The following FUT8 variants were observed in gnomAD, a reference collection of about 807,000 sequenced individuals.
The protein encoded by FUT8 is fucosyltransferase 8.
In FUT8, 29 loss-of-function variants were observed where a neutral mutation model predicts 71.3. The ratio of observed to expected loss-of-function variants is 0.41; its 90% confidence interval spans 0.30 to 0.55. The LOEUF is 0.55. FUT8 is among the 20% of genes least tolerant of loss of function. FUT8 has a pLI of 0.34. For missense variants in FUT8, 544 were observed against 702.1 expected (o/e 0.77, Z 2.55); for synonymous variants, 254 against 239.3 (o/e 1.06, Z -0.57).
chr14:65,485,776 C>G (rs1488798603), intron 2 of FUT8, among the ~76,000 whole-genome samples: 1 of 152,184 alleles, frequency 6.6e-6, no homozygotes, highest in Non-Finnish European at 1.5e-5. Context: ...TCTTCTGTTT[C>G]ATCAACTCAA....
intron 2 of FUT8, among the ~76,000 whole-genome samples, chr14:65,456,308 C>A (rs1422696541): frequency 6.6e-6 from 1 of 152,144 alleles, no homozygotes; most frequent in African/African-American, 2.4e-5. Flanking sequence ...TTGCCTTTTC[C>A]AATGTTATTT....
intron 2 of FUT8, among the ~76,000 whole-genome samples, chr14:65,554,877 G>T (rs1455453121): frequency 6.6e-6 from 1 of 152,064 alleles, no homozygotes; most frequent in African/African-American, 2.4e-5. Context: ...AGTTTTGATT[G>T]TCTGTATTTT....
intron 2 of FUT8, among the ~76,000 whole-genome samples, chr14:65,529,352 C>T (rs1883770536): frequency 6.6e-6 from 1 of 152,182 alleles, no homozygotes; most frequent in Non-Finnish European, 1.5e-5. Flanking sequence ...CTGCCTCACC[C>T]TCTGGAAGAG....
At position 65,638,758 on chromosome 14, in the gene FUT8, TG is replaced by T. The variant is rs1407260394; in HGVS notation, c.597+9153del. 1.3e-5 allele frequency among the ~76,000 whole-genome samples: 2 copies of T among 152,194 alleles called. No individual in the cohort carries two copies. The highest frequency in any genetic ancestry group is 2.9e-5 in the Non-Finnish European group (2 of 68,026). On this transcript the variant is annotated intron_variant, in intron 6 of 10. Transcript: ENST00000673929. This position sits in a 1 kb window ranked among gnomAD's most constrained non-coding sequence, Gnocchi z 4.5. Reference sequence around the variant, plus strand: ...AGAATATAACTATATACGTTATTTATGTGCTTGTATACTGACTCTGAGATCA... The same window carrying T: ...AGAATATAACTATATACGTTATTTATTGCTTGTATACTGACTCTGAGATCA...
intron 2 of FUT8, among the ~76,000 whole-genome samples, chr14:65,480,763 T>G (rs1009703485): frequency 6.6e-6 from 1 of 152,128 alleles, no homozygotes; most frequent in Admixed American, 6.5e-5. Flanking sequence ...CTCGGCTCAC[T>G]GCAACCACTG....
chr14:65,418,868 C>T (rs1040796581), intron 1 of FUT8, among the ~76,000 whole-genome samples: 1 of 151,896 alleles, frequency 6.6e-6, no homozygotes, highest in African/African-American at 2.4e-5. Flanking sequence ...ATATCATTTC[C>T]TTTTGAGGTG....
In FUT8 at chr14:65,744,026, G is replaced by A. The variant is rs1259952314; in HGVS notation, c.*1616G>A. The A allele has an allele frequency of 4.0e-5, 6 of 151,800 alleles. No homozygotes were observed. The highest frequency in any genetic ancestry group is 7.4e-5 in the Non-Finnish European group (5 of 67,870). The allele number at this position is 151,800 out of a possible 1,614,324, so 9.4% of individuals were successfully genotyped here. On this transcript the variant is annotated 3_prime_UTR_variant, in exon 11 of 11. Transcript: ENST00000673929. ...AACTTAACTAAATTCTTTTTCTCAA[G>A]TCAAGCCTCCCAAAGAAAAAAGAAA...
At position 65,721,798 on chromosome 14, in the gene FUT8, C is replaced by T; in HGVS notation, c.859C>T (p.Gln287Ter). Reference sequence around the variant, plus strand: ...AGGTGAAGTGAAGGACAAAAATGTTCAAGTGGTCGAGCTTCCCATTGTAGA... The same window carrying T: ...AGGTGAAGTGAAGGACAAAAATGTTTAAGTGGTCGAGCTTCCCATTGTAGA... ...WSGEVKDKNVQVVELPIVDSL... is the reference protein window; with the variant it reads ...WSGEVKDKNV Residue 287 changes from glutamine to a stop codon, truncating the protein, a stop_gained, in exon 8 of 11, where the codon CAA becomes TAA. Transcript: ENST00000673929. LOFTEE classifies it high-confidence loss of function. 6.2e-7 allele frequency: 1 copy of T among 1,614,080 alleles called. No individual in the cohort carries two copies. The highest frequency in any genetic ancestry group is 1.1e-5 in the South Asian group (1 of 91,062).
At chr14:65,522,526 G>A (rs1055255659) in intron 2 of FUT8, among the ~76,000 whole-genome samples, 6 of 152,028 alleles carry the variant, frequency 3.9e-5, no homozygotes, top group Non-Finnish European at 5.9e-5. Flanking sequence ...AAGAGTATTT[G>A]AGCATCAGGA....
rs1285956662 is a variant in FUT8, at chr14:65,472,558, T to C, written c.-228+16840T>C. Among the ~76,000 whole-genome samples the C allele has an allele frequency of 6.6e-6, 1 of 151,920 alleles. No individual in the cohort carries two copies. The highest frequency in any genetic ancestry group is 1.5e-5 in the Non-Finnish European group (1 of 67,970). On this transcript the variant is annotated intron_variant, in intron 2 of 10. Transcript: ENST00000673929. The surrounding 1 kb of genome is among the most constrained non-coding windows in gnomAD (Gnocchi z 4.4). ...CCAAAGGTTTATTTTTATATTCTTA[T>C]ACTGTAAAAAAAAAAACAACTTTAT...
In FUT8 at chr14:65,638,740, A is replaced by G. The variant is rs567387026; in HGVS notation, c.597+9134A>G. Among the ~76,000 whole-genome samples, 1 of 152,306 alleles carries G rather than the reference A, an allele frequency of 6.6e-6. No individual in the cohort carries two copies. Among genetic ancestry groups the G allele is most frequent in the African/African-American group, 2.4e-5 (1 of 41,560 alleles). ...TAAGATAGATTTAAAGCCAGAATATAACTATATACGTTATTTATGTGCTTG... is the reference window on the plus strand; with the variant it reads ...TAAGATAGATTTAAAGCCAGAATATGACTATATACGTTATTTATGTGCTTG... On this transcript the variant is annotated intron_variant, in intron 6 of 10. Transcript: ENST00000673929. This position sits in a 1 kb window ranked among gnomAD's most constrained non-coding sequence, Gnocchi z 4.5.
chr14:65,356,910 G>T, the FUT8 span, among the ~76,000 whole-genome samples: 1 of 152,206 alleles, frequency 6.6e-6, no homozygotes, highest in Non-Finnish European at 1.5e-5. This position sits in a 1 kb window ranked among gnomAD's most constrained non-coding sequence, Gnocchi z 4.6. Context: ...ACTACTGCTG[G>T]CCTCTTTTCC....
chr14:65,416,558 AT>A (rs2065221908), intron 1 of FUT8, among the ~76,000 whole-genome samples: 1 of 152,060 alleles, frequency 6.6e-6, no homozygotes, highest in Non-Finnish European at 1.5e-5. Flanking sequence ...CCTCTTATTG[AT>A]TCTCTGGCTC....
At chr14:65,419,051 A>T (rs1810656903) in intron 1 of FUT8, among the ~76,000 whole-genome samples, 1 of 152,166 alleles carries the variant, frequency 6.6e-6, no homozygotes, top group African/African-American at 2.4e-5. Context: ...CAACATGGAG[A>T]AACCTCATCT....
At chr14:65,361,839 T>TAAA in the FUT8 span, among the ~76,000 whole-genome samples, 5 of 152,014 alleles carry the variant, frequency 3.3e-5, no homozygotes, top group East Asian at 9.7e-4. Flanking sequence ...AATAAATAAA[T>TAAA]TATAACTCCC....
chr14:65,642,628 A>G (rs889976566), intron 6 of FUT8, among the ~76,000 whole-genome samples: 2 of 149,184 alleles, frequency 1.3e-5, no homozygotes, highest in African/African-American at 4.9e-5. Context: ...AAAAAAATCA[A>G]TTGACCATAC....
intron 7 of FUT8, among the ~76,000 whole-genome samples, chr14:65,715,480 ATTC>A (rs1159653758): frequency 2.0e-5 from 3 of 151,842 alleles, no homozygotes; most frequent in Non-Finnish European, 4.4e-5. Context: ...TCTGATCTTT[ATTC>A]TTCTCTTTTA....
chr14:65,376,433 C>G, the FUT8 span, among the ~76,000 whole-genome samples: 11 of 84,480 alleles, frequency 1.3e-4, 2 homozygotes, highest in Non-Finnish European at 2.7e-5. Flanking sequence ...GTTTTTGAGA[C>G]AGAGTCTCTT....
chr14:65,549,599 A>C (rs1337589256), intron 2 of FUT8, among the ~76,000 whole-genome samples: 1 of 152,210 alleles, frequency 6.6e-6, no homozygotes, highest in Non-Finnish European at 1.5e-5. Context: ...AAAATGGGGA[A>C]GTGCTTACAG....
Sources: allele counts gnomAD v4.1 joint callset (sites outside exome capture counted in the v4.1 genomes callset), GRCh38; gene constraint gnomAD v4.1.1; non-coding constraint Gnocchi (gnomAD v3.1); transcripts MANE v1.5; gene names NCBI Gene and HGNC (gene_info 2026-07-23, HGNC 2026-07-21).